CHRM3: variants seen among roughly 807,000 people sequenced by gnomAD.
CHRM3 encodes muscarinic acetylcholine receptor M3.
Under a neutral mutation model 41.8 loss-of-function variants are expected in CHRM3, and 11 were observed. The observed-to-expected ratio is 0.26, with a 90% CI of 0.17 to 0.44. The LOEUF is 0.44. Ranked by LOEUF, CHRM3 falls within the 20% of genes least tolerant of loss-of-function variation. CHRM3 has a pLI of 1.00. For missense variants in CHRM3, 571 were observed against 745.4 expected, an observed-to-expected ratio of 0.77 and a Z score of 2.72; for synonymous variants, 297 against 301.4, an observed-to-expected ratio of 0.99 and a Z score of 0.15.
Position 239,585,738 on chromosome 1 carries a change from T to C in CHRM3, c.-313+39989T>C, listed in dbSNP as rs148374603. Reference sequence around the variant, plus strand: ...ACATCCTATACTTTAAGCAGAGAGATAAAATATGAATTTTAAATGGCCAAA... The same window carrying C: ...ACATCCTATACTTTAAGCAGAGAGACAAAATATGAATTTTAAATGGCCAAA... On this transcript the variant is annotated intron_variant, in intron 3 of 6. Transcript: ENST00000676153. Among the ~76,000 whole-genome samples, 698 of 152,328 alleles carry C rather than the reference T, an allele frequency of 4.6e-3. 4 individuals are homozygous for C. Among genetic ancestry groups the C allele is most frequent in the Non-Finnish European group, 6.6e-3 (449 of 68,022 alleles).
chr1:239,861,679 G>A (rs536861940), intron 6 of CHRM3, among the ~76,000 whole-genome samples: 3 of 152,224 alleles, frequency 2.0e-5, no homozygotes, highest in South Asian at 2.1e-4. Flanking sequence ...TTATTTTTTC[G>A]TAGAGTACTT....
intron 5 of CHRM3, among the ~76,000 whole-genome samples, chr1:239,811,500 C>T (rs1671113343): frequency 6.6e-6 from 1 of 152,218 alleles, no homozygotes; most frequent in Admixed American, 6.5e-5. Flanking sequence ...TGCTGTCAGC[C>T]TCCTCTGCTC....
Position 239,859,418 on chromosome 1 carries a change from TG to T in CHRM3, c.-20+32041del, listed in dbSNP as rs1190114604. Among the ~76,000 whole-genome samples, 648 of 108,016 alleles carry T rather than the reference TG, an allele frequency of 6.0e-3. 7 individuals carry two copies. The highest frequency in any genetic ancestry group is 0.023 in the African/African-American group (589 of 25,088). The allele number at this position is 108,016 out of a possible 152,430, so 70.9% of individuals were successfully genotyped here. A position where few individuals can be genotyped will look rare whatever the true frequency, so the allele number is the denominator to read the frequency against. On this transcript the variant is annotated intron_variant, in intron 6 of 6. Transcript: ENST00000676153. ...CTGTTTTTTTTGTTGTTGTTGTTGT[TG>T]TTTTTTTTTTTTGTTTTTTTTTTTG... is the stretch of plus-strand genomic sequence containing the variant.
At position 239,642,809 on chromosome 1, in the gene CHRM3, G is replaced by C. The variant is rs191604125; in HGVS notation, c.-250+10523G>C. On this transcript the variant is annotated intron_variant, in intron 4 of 6. Coordinates refer to ENST00000676153, the MANE Select transcript of CHRM3 (RefSeq NM_001375978.1). ...TCCAGCTTTGTTCCATTGCTGGTGA[G>C]GAGCTGCGTTCCTTTGGAGGAGGAG... Among the ~76,000 whole-genome samples, 766 of 152,296 alleles carry C rather than the reference G, an allele frequency of 5.0e-3. 7 individuals are homozygous for C. The highest frequency in any genetic ancestry group is 8.8e-3 in the Admixed American group (134 of 15,306).
chr1:239,604,871 G>A (rs766294444), intron 3 of CHRM3, among the ~76,000 whole-genome samples: 8 of 152,096 alleles, frequency 5.3e-5, no homozygotes, highest in Non-Finnish European at 1.2e-4. Context: ...CTATTTCTTG[G>A]TTGTTTAATT....
intron 3 of CHRM3, among the ~76,000 whole-genome samples, chr1:239,627,879 G>T (rs1281914327): frequency 6.6e-6 from 1 of 150,956 alleles, no homozygotes; most frequent in Non-Finnish European, 1.5e-5. Context: ...TCCGCTGTTA[G>T]TCTGATGGGC....
intron 4 of CHRM3, among the ~76,000 whole-genome samples, chr1:239,649,496 G>A (rs1033130109): frequency 6.6e-6 from 1 of 152,172 alleles, no homozygotes; most frequent in Non-Finnish European, 1.5e-5. Context: ...TCAGGAATTC[G>A]AGGCAGTTGA....
At chr1:239,576,277 C>G (rs1017100732) in intron 3 of CHRM3, among the ~76,000 whole-genome samples, 2 of 152,032 alleles carry the variant, frequency 1.3e-5, no homozygotes, top group Non-Finnish European at 2.9e-5. Context: ...CTACCCACCC[C>G]CATCCCCAGG....
chr1:239,418,377 G>T (rs1201158620), intron 1 of CHRM3, among the ~76,000 whole-genome samples: 1 of 151,952 alleles, frequency 6.6e-6, no homozygotes, highest in Non-Finnish European at 1.5e-5. Flanking sequence ...TATTGCATGG[G>T]CAAACCAAAG....
Position 239,422,078 on chromosome 1 carries a change from G to A in CHRM3, c.-521+34851G>A, listed in dbSNP as rs1365380790. ...AGCTGAGAGATAATAAATGATGCAA[G>A]AGACAGCTTACCTATTATGGCAAGA... On this transcript the variant is annotated intron_variant, in intron 1 of 6. Coordinates refer to ENST00000676153, the MANE Select transcript of CHRM3 (RefSeq NM_001375978.1). Among the ~76,000 whole-genome samples the A allele has an allele frequency of 2.0e-5, 3 of 152,300 alleles. No individual in the cohort carries two copies. In the East Asian group the frequency reaches 5.8e-4, roughly 29 times the overall value.
rs961905952 is a variant in CHRM3, at chr1:239,908,576, C to A, written c.1125C>A (p.Ser375Arg). ...TCGTGCTCAAGCTTCCGGGTCACAG[C>A]ACCATCCTCAACTCCACCAAGTTAC... ...YSIVLKLPGH[S>R]TILNSTKLPS... Residue 375 changes from serine to arginine, a missense_variant, in exon 7 of 7, where the codon AGC (serine) becomes AGA (arginine). Around this residue, in one of 5 missense-constraint regions of CHRM3, gnomAD observed 239 missense variants for 239.6 expected, o/e 1.00. Coordinates refer to ENST00000676153, the MANE Select transcript of CHRM3 (RefSeq NM_001375978.1). The surrounding 1 kb of genome is among the most constrained non-coding windows in gnomAD (Gnocchi z 7.2). The A allele has an allele frequency of 4.4e-6, 7 of 1,593,780 alleles. No individual in the cohort carries two copies. In the Admixed American group the frequency reaches 6.9e-5, roughly 16 times the overall value.
In CHRM3 at chr1:239,838,202, A is replaced by G. The variant is rs145870672; in HGVS notation, c.-20+10824A>G. Among the ~76,000 whole-genome samples the G allele has an allele frequency of 3.9e-4, 59 of 152,272 alleles. No homozygotes were observed. In the East Asian group the frequency reaches 0.011, roughly 28 times the overall value. Reference sequence around the variant, plus strand: ...GGAAGCAGTTTATTTGGACTGAAGAAAGGGGTCTATCAGTGAAAATATGGG... The same window carrying G: ...GGAAGCAGTTTATTTGGACTGAAGAGAGGGGTCTATCAGTGAAAATATGGG... On this transcript the variant is annotated intron_variant, in intron 6 of 6. Transcript: ENST00000676153.
chr1:239,746,789 G>A (rs556829788), intron 5 of CHRM3, among the ~76,000 whole-genome samples: 7 of 150,552 alleles, frequency 4.6e-5, no homozygotes, highest in East Asian at 3.9e-4. Context: ...ACAGAGTTTC[G>A]CTCTGTCACC....
At chr1:239,814,270 C>G (rs1217661621) in intron 5 of CHRM3, among the ~76,000 whole-genome samples, 2 of 151,920 alleles carry the variant, frequency 1.3e-5, no homozygotes, top group Admixed American at 1.3e-4. Context: ...AGGTTTTGCT[C>G]GTGGGAGATG....
At chr1:239,883,043 AT>A (rs1397704348) in intron 6 of CHRM3, among the ~76,000 whole-genome samples, 2 of 152,184 alleles carry the variant, frequency 1.3e-5, no homozygotes, top group African/African-American at 4.8e-5. Context: ...TGCATGGGAT[AT>A]TTCTTTATAG....
At chr1:239,431,881 A>C (rs996894404) in intron 1 of CHRM3, among the ~76,000 whole-genome samples, 11 of 152,144 alleles carry the variant, frequency 7.2e-5, no homozygotes, top group African/African-American at 2.7e-4. Context: ...GGAATCTTCT[A>C]CTTAAATCTG....
At chr1:239,863,765 G>GTT (rs1675835425) in intron 6 of CHRM3, among the ~76,000 whole-genome samples, 1 of 152,086 alleles carries the variant, frequency 6.6e-6, no homozygotes, top group Non-Finnish European at 1.5e-5. Flanking sequence ...AGTAGACAGT[G>GTT]GCATAATTCT....
chr1:239,532,336 T>A (rs1270559140), intron 2 of CHRM3, among the ~76,000 whole-genome samples: 4 of 146,492 alleles, frequency 2.7e-5, no homozygotes, highest in East Asian at 2.2e-4. Context: ...TTATAAAATA[T>A]GTAGGAGTTG....
chr1:239,857,153 G>C (rs972227692), intron 6 of CHRM3, among the ~76,000 whole-genome samples: 2 of 152,134 alleles, frequency 1.3e-5, no homozygotes, highest in African/African-American at 4.8e-5. Flanking sequence ...AAAACCAGGA[G>C]GGTAGAAATG....
Sources: gnomAD v4.1 joint callset for allele counts (sites outside exome capture counted in the v4.1 genomes callset) on GRCh38, gnomAD v4.1.1 for gene constraint, gnomAD v4.1.1 regional missense constraint, Gnocchi (gnomAD v3.1) non-coding constraint, MANE v1.5 for transcripts, NCBI Gene and HGNC (gene_info 2026-07-23, HGNC 2026-07-21) for gene names.